The following NEO1 variants were observed in gnomAD, a reference collection of about 807,000 sequenced individuals.
NEO1 encodes neogenin 1.
Under a neutral mutation model 159.7 loss-of-function variants are expected in NEO1, and 63 were observed. The ratio of observed to expected loss-of-function variants is 0.39; its 90% CI spans 0.32 to 0.49. NEO1 has a LOEUF of 0.49. Among genes scored for constraint, NEO1 ranks in the 20% least tolerant of loss-of-function variants. NEO1 has a pLI of 0.85. For missense variants in NEO1, 1,615 were observed against 1,831.0 expected (o/e 0.88, Z 2.15); for synonymous variants, 633 against 662.0 (o/e 0.96, Z 0.67).
chr15:73,134,143 C>T (rs190292000), intron 4 of NEO1, among the ~76,000 whole-genome samples: 2 of 151,984 alleles, frequency 1.3e-5, no homozygotes, highest in South Asian at 4.2e-4. Context: ...GTAAATTTTT[C>T]TTATTTTGTG....
chr15:73,109,193 T>C (rs2070841064), intron 1 of NEO1, among the ~76,000 whole-genome samples: 1 of 152,216 alleles, frequency 6.6e-6, no homozygotes, highest in Non-Finnish European at 1.5e-5. Context: ...ACTAAGGTCC[T>C]AGACTGTTAG....
At chr15:73,095,056 G>GA (rs1483576455) in intron 1 of NEO1, among the ~76,000 whole-genome samples, 1 of 151,938 alleles carries the variant, frequency 6.6e-6, no homozygotes, top group East Asian at 1.9e-4. Flanking sequence ...TGAAAATACA[G>GA]AAATTAGCCG....
At chr15:73,201,954 C>CTTTTTTTTTTTTTTTT (rs1206304409) in intron 7 of NEO1, among the ~76,000 whole-genome samples, 1 of 83,456 alleles carries the variant, frequency 1.2e-5, no homozygotes, top group African/African-American at 4.9e-5. Context: ...CTATATCATT[C>CTTTTTTTTTTTTTTTT]TTTTTTTTTT....
At chr15:73,114,792 TG>T (rs894493490) in intron 1 of NEO1, among the ~76,000 whole-genome samples, 1 of 152,112 alleles carries the variant, frequency 6.6e-6, no homozygotes, top group Admixed American at 6.6e-5. Flanking sequence ...GAGTTAAGTT[TG>T]GGGGGTATAA....
Position 73,253,337 on chromosome 15 carries a change from CACATGATGG to C in NEO1, c.1895-62_1895-54del, listed in dbSNP as rs950902326. On this transcript the variant is annotated intron_variant, in intron 11 of 28. Coordinates refer to ENST00000261908, the MANE Select transcript of NEO1 (RefSeq NM_002499.4). ...TTGTTTAAAGTCCAGCCAAGATGAT[CACATGATGG>C]GTGATGTATGGGTGATTAAAAAAAA... is the stretch of plus-strand genomic sequence containing the variant. 8 of 940,724 alleles carry C rather than the reference CACATGATGG, an allele frequency of 8.5e-6. No homozygotes were observed. In the African/African-American group the frequency reaches 1.3e-4, roughly 15 times the overall value. The allele number at this position is 940,724 out of a possible 1,614,324, so 58.3% of individuals were successfully genotyped here. A position where few individuals can be genotyped will look rare whatever the true frequency, so the allele number is the denominator to read the frequency against.
At chr15:73,065,438 C>T (rs1397298713) in intron 1 of NEO1, among the ~76,000 whole-genome samples, 1 of 151,854 alleles carries the variant, frequency 6.6e-6, no homozygotes, top group Non-Finnish European at 1.5e-5. Context: ...TTGTATTTCA[C>T]CTTCATTTTT....
intron 7 of NEO1, among the ~76,000 whole-genome samples, chr15:73,235,150 C>G (rs2039104628): frequency 6.6e-6 from 1 of 152,176 alleles, no homozygotes; most frequent in Admixed American, 6.5e-5. Flanking sequence ...TTTATTTAGA[C>G]TGCATCACAT....
intron 5 of NEO1, among the ~76,000 whole-genome samples, chr15:73,142,940 C>T (rs1370006772): frequency 6.6e-6 from 1 of 152,052 alleles, no homozygotes; most frequent in Admixed American, 6.6e-5. Context: ...GAAACTAGAT[C>T]GAAAAGACTG....
At chr15:73,251,513 CAA>C (rs35979398) in intron 11 of NEO1, among the ~76,000 whole-genome samples, 2,001 of 94,374 alleles carry the variant, frequency 0.021, 28 homozygotes, top group East Asian at 0.071. Flanking sequence ...GAAGCTGTCT[CAA>C]AAAAAAAAAA....
At chr15:73,196,069 T>C (rs1430258940) in intron 7 of NEO1, among the ~76,000 whole-genome samples, 1 of 152,226 alleles carries the variant, frequency 6.6e-6, no homozygotes, top group African/African-American at 2.4e-5. Context: ...CTGCTTTTTG[T>C]CTTCCTCCTT....
chr15:73,278,277 T>C, intron 22 of NEO1, 78 bp downstream of exon 22: 1 of 1,313,800 alleles, frequency 7.6e-7, no homozygotes, highest in South Asian at 1.2e-5. Context: ...ATGTCCTTTA[T>C]AGCTTGTGTG....
chr15:73,183,167 G>A (rs890139229), intron 7 of NEO1, among the ~76,000 whole-genome samples: 1 of 152,162 alleles, frequency 6.6e-6, no homozygotes, highest in Non-Finnish European at 1.5e-5. Context: ...CATCTCTGTG[G>A]TGTAGGGATG....
intron 28 of NEO1, chr15:73,301,671 C>CT: frequency 3.4e-6 from 2 of 592,674 alleles, no homozygotes; most frequent in South Asian, 2.2e-5. Flanking sequence ...CCCATATCCA[C>CT]TCTTTTTTTT....
Position 73,288,487 on chromosome 15 carries a change from A to G in NEO1, c.3585A>G (p.Gln1195=), listed in dbSNP as rs767439805. Residue 1195 remains glutamine, a synonymous_variant, in exon 24 of 29, where the codon CAA becomes CAG. Transcript: ENST00000261908. Reference sequence around the variant, plus strand: ...ATACTCCAATTCCTCGCAACTCTCAAGATATCACACCAGTTGACAACTCCA... The same window carrying G: ...ATACTCCAATTCCTCGCAACTCTCAGGATATCACACCAGTTGACAACTCCA... ...MTDTPIPRNS[Q]DITPVDNSMD... The G allele has an allele frequency of 1.3e-5, 21 of 1,614,072 alleles. No homozygotes were observed. The highest frequency in any genetic ancestry group is 1.5e-5 in the Non-Finnish European group (18 of 1,180,032).
chr15:73,142,859 C>G (rs1001766909), intron 5 of NEO1, among the ~76,000 whole-genome samples: 2 of 152,160 alleles, frequency 1.3e-5, no homozygotes, highest in South Asian at 2.1e-4. Flanking sequence ...AACCTCCCCC[C>G]ACAACACTAA....
At chr15:73,139,448 CAA>C (rs1469836416) in intron 5 of NEO1, among the ~76,000 whole-genome samples, 13 of 152,060 alleles carry the variant, frequency 8.5e-5, no homozygotes, top group African/African-American at 1.9e-4. Context: ...AAAATGATAA[CAA>C]GAGCAAAAAT....
At chr15:73,192,755 G>A (rs969777350) in intron 7 of NEO1, among the ~76,000 whole-genome samples, 1 of 151,942 alleles carries the variant, frequency 6.6e-6, no homozygotes, top group African/African-American at 2.4e-5. Flanking sequence ...ATGGAAAAGA[G>A]AAGGAAAGAT....
chr15:73,253,391 T>TAC lies in NEO1; in HGVS notation c.1895-9_1895-8insAC. Reference sequence around the variant, plus strand: ...AAAAAAAATTTTTTTTTTTTTTTTGTTTCTCTAGTTCCCAGTGCTGCTCCT... The same window carrying TAC: ...AAAAAAAATTTTTTTTTTTTTTTTGTACTTCTCTAGTTCCCAGTGCTGCTCCT... On this transcript the variant is annotated splice_polypyrimidine_tract_variant and intron_variant, in intron 11 of 28. Coordinates refer to ENST00000261908, the MANE Select transcript of NEO1 (RefSeq NM_002499.4). 3.3e-6 allele frequency: 5 copies of TAC among 1,509,972 alleles called. No individual in the cohort carries two copies. The highest frequency in any genetic ancestry group is 2.7e-5 in the South Asian group (2 of 74,692). The allele number at this position is 1,509,972 out of a possible 1,614,324, so 93.5% of individuals were successfully genotyped here.
intron 7 of NEO1, among the ~76,000 whole-genome samples, chr15:73,224,501 T>C (rs138645867): frequency 6.6e-6 from 1 of 152,290 alleles, no homozygotes; most frequent in African/African-American, 2.4e-5. Context: ...GCTTTGTTCA[T>C]ATTTTCTTAT....
Sources: allele counts gnomAD v4.1 joint callset (sites outside exome capture counted in the v4.1 genomes callset), GRCh38; gene constraint gnomAD v4.1.1; transcripts MANE v1.5; gene names NCBI Gene and HGNC (gene_info 2026-07-23, HGNC 2026-07-21).